INTS10: variants seen among roughly 807,000 people sequenced by gnomAD.
INTS10 encodes chromosome 8 open reading frame 35.
A neutral mutation model predicts 94.4 loss-of-function variants in INTS10; 44 were observed. That is an observed-to-expected ratio of 0.47 (90% CI 0.37 to 0.60). The LOEUF (loss-of-function observed/expected upper bound fraction) is 0.60, where lower values mean the gene tolerates loss of function less well. Ranked by LOEUF, INTS10 falls within the 20% of genes least tolerant of loss-of-function variation. The pLI is 0.00. For synonymous variants in INTS10, 341 were observed against 320.7 expected, an observed-to-expected ratio of 1.06 and a Z score of -0.68; for missense variants, 797 against 868.7, an observed-to-expected ratio of 0.92 and a Z score of 1.04.
intron 5 of INTS10, among the ~76,000 whole-genome samples, chr8:19,822,908 C>T (rs2066496099): frequency 6.6e-6 from 1 of 151,760 alleles, no homozygotes; most frequent in Non-Finnish European, 1.5e-5. Flanking sequence ...CGAGATCGCG[C>T]CACTGTACTC....
In INTS10 at chr8:19,843,594, C is replaced by A. The variant is rs1590051756; in HGVS notation, c.1720-482C>A. On this transcript the variant is annotated intron_variant, in intron 14 of 16. Coordinates refer to ENST00000397977, the MANE Select transcript of INTS10 (RefSeq NM_018142.4). The surrounding 1 kb of genome is among the most constrained non-coding windows in gnomAD (Gnocchi z 4.7). ...TCATTTGAAACAAAAACTGTTTTGA[C>A]CATTTCTTTAGTTCACACTTCTGCT... 6.6e-6 allele frequency among the ~76,000 whole-genome samples: 1 copy of A among 152,180 alleles called. No homozygotes were observed. Among genetic ancestry groups the A allele is most frequent in the Admixed American group, 6.5e-5 (1 of 15,272 alleles).
rs775683995 is a variant in INTS10, at chr8:19,849,168, T to C, written c.1977-2481T>C. 7.8e-7 allele frequency: 1 copy of C among 1,289,138 alleles called. No individual in the cohort carries two copies. The highest frequency in any genetic ancestry group is 1.2e-5 in the South Asian group (1 of 81,020). The allele number at this position is 1,289,138 out of a possible 1,614,324, so 79.9% of individuals were successfully genotyped here. ...TGTTTGCTGTTTTTTAAAGGCCTTC[T>C]AGCCCTCCCATGGGGTTACTGCAGC... On this transcript the variant is annotated intron_variant, in intron 16 of 16. Transcript: ENST00000397977. The surrounding 1 kb of genome is among the most constrained non-coding windows in gnomAD (Gnocchi z 4.6).
intron 12 of INTS10, among the ~76,000 whole-genome samples, chr8:19,833,997 ACT>A (rs1181477755): frequency 7.3e-6 from 1 of 136,642 alleles, no homozygotes; most frequent in African/African-American, 2.7e-5. Context: ...ACAGAGCCAG[ACT>A]CTGTCTCAAA....
intron 9 of INTS10, 61 bp from the exon 10 acceptor site, chr8:19,830,345 G>A (rs2064492891): frequency 1.4e-6 from 2 of 1,431,488 alleles, no homozygotes; most frequent in African/African-American, 1.4e-5. Context: ...GCAATAATAT[G>A]TTTCCATATA....
intron 7 of INTS10, 73 bp from the exon 8 acceptor site, chr8:19,824,730 A>T: frequency 9.8e-7 from 1 of 1,020,666 alleles, no homozygotes; most frequent in Non-Finnish European, 1.4e-6. Context: ...TGGTACCACC[A>T]GAGCTTTTCT....
chr8:19,845,420 G>A, intron 15 of INTS10: 1 of 337,152 alleles, frequency 3.0e-6, no homozygotes, highest in Non-Finnish European at 5.5e-6. Flanking sequence ...CTTTAGCCTG[G>A]CACATCTCAT....
chr8:19,818,062 C>G, intron 1 of INTS10: 1 of 603,722 alleles, frequency 1.7e-6, no homozygotes, highest in Non-Finnish European at 3.0e-6. Flanking sequence ...AAATATTATC[C>G]TACTTAATCC....
chr8:19,837,972 A>G (rs757848304), intron 13 of INTS10, among the ~76,000 whole-genome samples: 2 of 152,224 alleles, frequency 1.3e-5, no homozygotes, highest in Non-Finnish European at 2.9e-5. Context: ...ATTATGAAAA[A>G]CTTTATGCCA....
intron 13 of INTS10, among the ~76,000 whole-genome samples, chr8:19,839,055 G>C (rs1481669663): frequency 6.6e-6 from 1 of 151,904 alleles, no homozygotes; most frequent in South Asian, 2.1e-4. Flanking sequence ...CTGGGCGACA[G>C]AGTGAGACTC....
At position 19,823,396 on chromosome 8, in the gene INTS10, A is replaced by C; in HGVS notation, c.619A>C (p.Ile207Leu). 1 of 1,606,508 alleles carries C rather than the reference A, an allele frequency of 6.2e-7. No individual in the cohort carries two copies. Among genetic ancestry groups the C allele is most frequent in the Non-Finnish European group, 8.5e-7 (1 of 1,173,166 alleles). ...CTTGAACAAAGCAGCTGAATTTTATATCAATTATGTCACTAGGTCTACTCA... is the reference window on the plus strand; with the variant it reads ...CTTGAACAAAGCAGCTGAATTTTATCTCAATTATGTCACTAGGTCTACTCA... ...KYLNKAAEFY[I>L]NYVTRSTQIE... Residue 207 changes from isoleucine (I) to leucine (L), a missense_variant, in exon 6 of 17, where the codon ATC becomes CTC. By Grantham distance (5) the Ile-to-Leu change is conservative (BLOSUM62 2). Coordinates refer to ENST00000397977, the MANE Select transcript of INTS10 (RefSeq NM_018142.4).
rs373115175 is a variant in INTS10 at position 19,824,082 on chromosome 8, C to T, written c.836+38C>T. 9.8e-5 allele frequency: 145 copies of T among 1,478,854 alleles called. 1 individual carries two copies. In the African/African-American group the frequency reaches 1.9e-3, roughly 20 times the overall value. The allele number at this position is 1,478,854 out of a possible 1,614,324, so 91.6% of individuals were successfully genotyped here. ...TTATTTCCAGAATTGCCTATTGATT[C>T]TTTTGGATCCTTATAAAAACAAAAT... is the stretch of plus-strand genomic sequence containing the variant. On this transcript the variant is annotated intron_variant, in intron 7 of 16. Coordinates refer to ENST00000397977, the MANE Select transcript of INTS10 (RefSeq NM_018142.4).
At chr8:19,844,458 T>C (rs1237480378) in intron 15 of INTS10, among the ~76,000 whole-genome samples, 1 of 152,206 alleles carries the variant, frequency 6.6e-6, no homozygotes. Context: ...CCTCTTCCAT[T>C]TTCCACTGCT....
intron 10 of INTS10, among the ~76,000 whole-genome samples, chr8:19,831,158 G>A (rs906678581): frequency 1.3e-5 from 2 of 152,086 alleles, no homozygotes; most frequent in South Asian, 2.1e-4. Flanking sequence ...CTTTTAGCCC[G>A]TGGACATTCA....
At chr8:19,834,938 T>C (rs1230281411) in intron 12 of INTS10, among the ~76,000 whole-genome samples, 1 of 152,140 alleles carries the variant, frequency 6.6e-6, no homozygotes, top group East Asian at 1.9e-4. Context: ...AGAGTCGCTC[T>C]GATAAGGGCA....
intron 2 of INTS10, among the ~76,000 whole-genome samples, chr8:19,819,168 G>A (rs1026169123): frequency 6.6e-6 from 1 of 152,120 alleles, no homozygotes; most frequent in Admixed American, 6.5e-5. Context: ...TGTGATAGGA[G>A]AAAATGGTAT....
chr8:19,851,750 T>G lies in INTS10; in HGVS notation c.2078T>G (p.Val693Gly), dbSNP rs778877659. 6.2e-7 allele frequency: 1 copy of G among 1,613,984 alleles called. No individual in the cohort carries two copies. Among genetic ancestry groups the G allele is most frequent in the African/African-American group, 1.3e-5 (1 of 74,912 alleles). ...CGCTGTGGAGAGAATCTGATGGTGGTTCTGCACAGGTTCTGCATTAATGAG... is the reference window on the plus strand; with the variant it reads ...CGCTGTGGAGAGAATCTGATGGTGGGTCTGCACAGGTTCTGCATTAATGAG... The part of the protein sequence containing the change: ...VSRCGENLMV[V>G]LHRFCINEKI... The change falls in exon 17 of 17, where the codon GTT (valine) becomes GGT (glycine). Residue 693 changes from valine (V) to glycine (G), a missense_variant. This residue lies in a region of INTS10 where 47 missense variants were observed against 41.8 expected (regional missense o/e 1.12). Coordinates refer to ENST00000397977, the MANE Select transcript of INTS10 (RefSeq NM_018142.4). The surrounding 1 kb of genome is among the most constrained non-coding windows in gnomAD (Gnocchi z 5.0).
chr8:19,817,464 C>T lies in INTS10; in HGVS notation c.-74C>T. ...GCGGTGGCGGCGGCGGCGGCGGTGG[C>T]TGCCGTGGCGGCTGAGAGTCCAGAG... On this transcript the variant is annotated 5_prime_UTR_variant, in exon 1 of 17. Transcript: ENST00000397977. The T allele has an allele frequency of 1.9e-6, 3 of 1,542,652 alleles. No homozygotes were observed. Among genetic ancestry groups the T allele is most frequent in the South Asian group, 1.2e-5 (1 of 83,770 alleles).
chr8:19,822,361 A>G, intron 4 of INTS10, 78 bp from the exon 5 acceptor site: 1 of 769,654 alleles, frequency 1.3e-6, no homozygotes, highest in Non-Finnish European at 2.2e-6. Flanking sequence ...ATAAGTAAAA[A>G]AAATACCCCA....
rs1563354365 is a variant in INTS10 at position 19,824,943 on chromosome 8, T to C, written c.977T>C (p.Val326Ala). 1.9e-6 allele frequency: 3 copies of C among 1,613,980 alleles called. No homozygotes were observed. In the East Asian group the frequency reaches 6.7e-5, roughly 36 times the overall value. ...TTCTTTAAGAATGCATTCCAGTATG[T>C]CAACAGCATACAGCCATCTCTCTTC... The part of the protein sequence containing the change: ...LVFFKNAFQY[V>A]NSIQPSLFQG... Residue 326 changes from valine to alanine, a missense_variant, in exon 8 of 17, where the codon GTC becomes GCC. Physicochemically the swap from Val to Ala is moderately conservative, Grantham distance 64 (BLOSUM62 0). This residue lies in a region of INTS10 where 734 missense variants were observed against 787.8 expected (regional missense o/e 0.93). Transcript: ENST00000397977.
Sources: gnomAD v4.1 joint callset for allele counts (sites outside exome capture counted in the v4.1 genomes callset) on GRCh38, gnomAD v4.1.1 for gene constraint, gnomAD v4.1.1 regional missense constraint, Gnocchi (gnomAD v3.1) non-coding constraint, MANE v1.5 for transcripts, NCBI Gene and HGNC (gene_info 2026-07-23, HGNC 2026-07-21) for gene names.